The following MCPH1 variants were observed in gnomAD, a reference collection of about 807,000 sequenced individuals.
The protein encoded by MCPH1 is microcephalin.
In MCPH1, 104 loss-of-function variants were observed where a neutral mutation model predicts 84.5. The ratio of observed to expected loss-of-function variants is 1.23; its 90% CI spans 1.05 to 1.45. MCPH1 has a LOEUF of 1.45. Ranked by LOEUF, MCPH1 falls within the 40% of genes most tolerant of loss-of-function variation. MCPH1 has a pLI of 0.00. For synonymous variants in MCPH1, 514 were observed against 366.8 expected, an observed-to-expected ratio of 1.40 and a Z score of -4.58; for missense variants, 1,498 against 1,005.7, an observed-to-expected ratio of 1.49 and a Z score of -6.62.
At chr8:6,481,604 T>C (rs1011083144) in intron 11 of MCPH1, among the ~76,000 whole-genome samples, 1 of 152,226 alleles carries the variant, frequency 6.6e-6, no homozygotes, top group African/African-American at 2.4e-5. Context: ...ATACTCATAC[T>C]GTGTTCATTT....
intron 9 of MCPH1, among the ~76,000 whole-genome samples, chr8:6,457,340 C>A (rs1174851884): frequency 1.3e-5 from 2 of 151,628 alleles, no homozygotes; most frequent in African/African-American, 4.9e-5. Context: ...TGCCTATAAT[C>A]CCGGTACTTT....
intron 11 of MCPH1, among the ~76,000 whole-genome samples, chr8:6,488,006 A>G (rs762247362): frequency 3.3e-5 from 5 of 152,230 alleles, no homozygotes; most frequent in Non-Finnish European, 7.3e-5. Context: ...TATCTCCAGG[A>G]CACCTAATTT....
intron 12 of MCPH1, chr8:6,514,681 T>G (rs1254250739): frequency 1.9e-6 from 3 of 1,613,610 alleles, no homozygotes; most frequent in Non-Finnish European, 8.5e-7. Context: ...CCTTACCACT[T>G]TATATTCTTT....
At chr8:6,519,719 C>G (rs1000299448) in intron 12 of MCPH1, 2 of 966,282 alleles carry the variant, frequency 2.1e-6, no homozygotes, top group East Asian at 5.2e-5. Flanking sequence ...GCACTCTAGG[C>G]GAGGTAGCTG....
Position 6,503,052 on chromosome 8 carries a change from TAA to T in MCPH1, c.2214+3124_2214+3125del, listed in dbSNP as rs1421089376. On this transcript the variant is annotated intron_variant, in intron 12 of 13. Transcript: ENST00000344683. Reference sequence around the variant, plus strand: ...GCCGTGACTTTCAGTGCACTGGGCTTAAGTCTTTGAAAATAGTTCGAGACAGT... The same window carrying T: ...GCCGTGACTTTCAGTGCACTGGGCTTGTCTTTGAAAATAGTTCGAGACAGT... 3 of 1,607,984 alleles carry T rather than the reference TAA, an allele frequency of 1.9e-6. No homozygotes were observed. In the East Asian group the frequency reaches 6.7e-5, roughly 36 times the overall value.
At position 6,617,161 on chromosome 8, in the gene MCPH1, G is replaced by A. The variant is rs1212466133; in HGVS notation, c.2215-4293G>A. 3.3e-5 allele frequency: 5 copies of A among 151,080 alleles called. No individual in the cohort carries two copies. In the East Asian group the frequency reaches 5.8e-4, roughly 18 times the overall value. 9.4% of individuals were successfully genotyped at this position (151,080 alleles called of 1,614,324 possible). On this transcript the variant is annotated intron_variant, in intron 12 of 13. Transcript: ENST00000344683. ...TTCCTAATCATTAAATGTGTTCTTCGGATTGTCCTTTGAACCAGTTATAGC... is the reference window on the plus strand; with the variant it reads ...TTCCTAATCATTAAATGTGTTCTTCAGATTGTCCTTTGAACCAGTTATAGC...
In MCPH1 at chr8:6,648,285, G is replaced by C. The variant is rs906917179; in HGVS notation, c.*5236G>C. 2 of 152,238 alleles carry C rather than the reference G, an allele frequency of 1.3e-5. No individual in the cohort carries two copies. The highest frequency in any genetic ancestry group is 2.9e-5 in the Non-Finnish European group (2 of 68,074). 9.4% of individuals were successfully genotyped at this position (152,238 alleles called of 1,614,324 possible). ...AGTGGCCAGAAGGTTTTCCATACCT[G>C]AGCCTGCTTCTACCCACTTTTATTT... On this transcript the variant is annotated 3_prime_UTR_variant, in exon 14 of 14. Transcript: ENST00000344683.
chr8:6,463,779 G>A (rs1806542840), intron 9 of MCPH1, among the ~76,000 whole-genome samples: 1 of 152,174 alleles, frequency 6.6e-6, no homozygotes, highest in Non-Finnish European at 1.5e-5. Flanking sequence ...CAAGTAAAAG[G>A]TTCTGGAATG....
intron 11 of MCPH1, among the ~76,000 whole-genome samples, chr8:6,486,956 G>A (rs17077121): frequency 3.6e-4 from 54 of 152,092 alleles, no homozygotes; most frequent in South Asian, 4.2e-4. Context: ...ACTTTCCCTC[G>A]AAACCCTTTT....
At chr8:6,605,004 A>G (rs879581964) in intron 12 of MCPH1, among the ~76,000 whole-genome samples, 4 of 152,188 alleles carry the variant, frequency 2.6e-5, no homozygotes, top group Non-Finnish European at 5.9e-5. Context: ...CCTTCATTTC[A>G]GAGGGGAAGA....
chr8:6,636,736 T>G (rs925128765), intron 13 of MCPH1, among the ~76,000 whole-genome samples: 2 of 152,170 alleles, frequency 1.3e-5, no homozygotes, highest in African/African-American at 2.4e-5. Context: ...TAAATGAATT[T>G]TGGTTTTAGA....
chr8:6,512,481 A>G lies in MCPH1; in HGVS notation c.2214+12552A>G, dbSNP rs930816187. The stretch of plus-strand genomic sequence containing the variant: ...CCTTCATTTGCTAATTTCTGACCTC[A>G]AAGTGGGTATTTCATAATGTGTGCT... On this transcript the variant is annotated intron_variant, in intron 12 of 13. Transcript: ENST00000344683. 3.9e-5 allele frequency among the ~76,000 whole-genome samples: 6 copies of G among 152,190 alleles called. No homozygotes were observed. The East Asian group carries it at 1.2e-3, about 29-fold the overall frequency.
chr8:6,621,599 G>C lies in MCPH1; in HGVS notation c.2360G>C (p.Ser787Thr), dbSNP rs765841327. Reference protein sequence around the residue: ...ELVHLCGGRVSQVPRQASIVI... With the variant: ...ELVHLCGGRVTQVPRQASIVI... ...GTCCACCTGTGCGGAGGCCGGGTCAGCCAAGTCCCCCGCCAGGCCAGCATC... is the reference window on the plus strand; with the variant it reads ...GTCCACCTGTGCGGAGGCCGGGTCACCCAAGTCCCCCGCCAGGCCAGCATC... Residue 787 changes from serine (S) to threonine (T), a missense_variant, in exon 13 of 14, where the codon AGC (serine) becomes ACC (threonine). Transcript: ENST00000344683. 1.2e-6 allele frequency: 2 copies of C among 1,614,230 alleles called. No individual in the cohort carries two copies. The highest frequency in any genetic ancestry group is 1.7e-6 in the Non-Finnish European group (2 of 1,180,042).
At chr8:6,470,100 T>TTCTGCAAAGTA (rs1227149119) in intron 9 of MCPH1, among the ~76,000 whole-genome samples, 1 of 152,170 alleles carries the variant, frequency 6.6e-6, no homozygotes, top group Admixed American at 6.5e-5. Context: ...GCAGTAGGCA[T>TTCTGCAAAGTA]TCTGTAGTAG....
At chr8:6,498,910 G>C (rs1226119586) in intron 11 of MCPH1, among the ~76,000 whole-genome samples, 4 of 152,172 alleles carry the variant, frequency 2.6e-5, no homozygotes, top group South Asian at 4.1e-4. Context: ...AAATTAGCCA[G>C]GTGTGGTGGT....
At position 6,458,493 on chromosome 8, in the gene MCPH1, A is replaced by G. The variant is rs1330525311; in HGVS notation, c.1935+3241A>G. On this transcript the variant is annotated intron_variant, in intron 9 of 13. Transcript: ENST00000344683. ...TCTCAAAAAAAAAAAAAAAGAAAAA[A>G]AAAAATTCCTGATTTGTTTGCTTAA... Among the ~76,000 whole-genome samples, 6 of 152,014 alleles carry G rather than the reference A, an allele frequency of 3.9e-5. No individual in the cohort carries two copies. The East Asian group carries it at 1.2e-3, about 29-fold the overall frequency.
At chr8:6,527,521 T>G (rs1222697250) in intron 12 of MCPH1, 1 of 1,606,036 alleles carries the variant, frequency 6.2e-7, no homozygotes, top group East Asian at 2.2e-5. Flanking sequence ...AAGTGTGCAG[T>G]CCTGAATTAT....
intron 9 of MCPH1, among the ~76,000 whole-genome samples, chr8:6,458,420 T>C (rs1303723837): frequency 1.4e-5 from 2 of 145,752 alleles, no homozygotes; most frequent in African/African-American, 2.5e-5. Flanking sequence ...TGCAGTGAGC[T>C]GAGATCGTGC....
intron 12 of MCPH1, among the ~76,000 whole-genome samples, chr8:6,596,523 C>T (rs1257822695): frequency 3.9e-5 from 6 of 152,056 alleles, no homozygotes; most frequent in Non-Finnish European, 5.9e-5. Flanking sequence ...CCGCCAGAGC[C>T]GTAGGAGATG....
Sources: allele counts gnomAD v4.1 joint callset (sites outside exome capture counted in the v4.1 genomes callset), GRCh38; gene constraint gnomAD v4.1.1; transcripts MANE v1.5; gene names NCBI Gene and HGNC (gene_info 2026-07-23, HGNC 2026-07-21).